VAV2: variants seen among roughly 807,000 people sequenced by gnomAD.
The protein encoded by VAV2 is vav guanine nucleotide exchange factor 2, also known as guanine nucleotide exchange factor VAV2.
VAV2 carries 67 observed loss-of-function variants against 132.5 expected under a neutral mutation model. The observed-to-expected ratio is 0.51, with a 90% CI of 0.42 to 0.62. The LOEUF (loss-of-function observed/expected upper bound fraction) is 0.62. Ranked by LOEUF, VAV2 falls within the 20% of genes least tolerant of loss-of-function variation. The pLI, the probability that VAV2 is intolerant of heterozygous loss-of-function variation, is 0.00. For synonymous variants in VAV2, 492 were observed against 443.5 expected, an observed-to-expected ratio of 1.11 and a Z score of -1.37; for missense variants, 938 against 1,153.6, an observed-to-expected ratio of 0.81 and a Z score of 2.71.
chr9:133,849,308 C>T (rs1376978473), intron 3 of VAV2, among the ~76,000 whole-genome samples: 1 of 152,138 alleles, frequency 6.6e-6, no homozygotes, highest in African/African-American at 2.4e-5. Flanking sequence ...GTCCTTGAAC[C>T]CCAAACCTCC....
At chr9:133,889,360 G>T (rs1353536364) in intron 2 of VAV2, among the ~76,000 whole-genome samples, 1 of 152,192 alleles carries the variant, frequency 6.6e-6, no homozygotes, top group Non-Finnish European at 1.5e-5. Context: ...GCTAGCTGCT[G>T]GCTTTCTAGA....
chr9:133,864,017 C>G (rs1160127162), intron 2 of VAV2, among the ~76,000 whole-genome samples: 1 of 152,164 alleles, frequency 6.6e-6, no homozygotes, highest in Non-Finnish European at 1.5e-5. Flanking sequence ...AGCTGGGTGT[C>G]CCCAGGGGCC....
At chr9:133,956,193 G>A (rs1225466513) in intron 1 of VAV2, among the ~76,000 whole-genome samples, 1 of 152,086 alleles carries the variant, frequency 6.6e-6, no homozygotes, top group Non-Finnish European at 1.5e-5. Context: ...CACAGGGAGA[G>A]AGGGAGGGAA....
In VAV2 at chr9:133,991,144, C is replaced by A. The variant is rs753518903; in HGVS notation, c.204+931G>T. Reference sequence around the variant, plus strand: ...GGGGCTGCTGAGCTGGCTGGAAGACCGCACCTCCTCGGCGCTGGGTGGACC... The same window carrying A: ...GGGGCTGCTGAGCTGGCTGGAAGACAGCACCTCCTCGGCGCTGGGTGGACC... On this transcript the variant is annotated intron_variant, in intron 1 of 29. Coordinates refer to ENST00000371850, the MANE Select transcript of VAV2 (RefSeq NM_001134398.2). The surrounding 1 kb of genome is among the most constrained non-coding windows in gnomAD (Gnocchi z 4.8). Among the ~76,000 whole-genome samples the A allele has an allele frequency of 2.6e-5, 4 of 152,132 alleles. No individual in the cohort carries two copies. Among genetic ancestry groups the A allele is most frequent in the Non-Finnish European group, 5.9e-5 (4 of 68,020 alleles).
chr9:133,790,758 C>T (rs1834423447), intron 13 of VAV2, among the ~76,000 whole-genome samples: 1 of 152,024 alleles, frequency 6.6e-6, no homozygotes, highest in South Asian at 2.1e-4. Context: ...TCATCGCCGA[C>T]GTATCGCAGG....
intron 1 of VAV2, among the ~76,000 whole-genome samples, chr9:133,963,246 G>C (rs10119727): frequency 2.6e-5 from 4 of 151,850 alleles, no homozygotes; most frequent in Non-Finnish European, 5.9e-5. Flanking sequence ...TTAATGATCA[G>C]TCAATCAGGG....
chr9:133,892,153 G>A (rs1322639053), intron 2 of VAV2, among the ~76,000 whole-genome samples: 1 of 126,298 alleles, frequency 7.9e-6, no homozygotes, highest in African/African-American at 3.0e-5. Flanking sequence ...GGGGGATGAT[G>A]GAACAGAGGC....
intron 3 of VAV2, among the ~76,000 whole-genome samples, chr9:133,858,382 C>T (rs1837465066): frequency 6.6e-6 from 1 of 152,208 alleles, no homozygotes; most frequent in African/African-American, 2.4e-5. Flanking sequence ...GCCACACATG[C>T]CGACTGTCAC....
chr9:133,930,682 C>T (rs1284310949), intron 2 of VAV2, among the ~76,000 whole-genome samples: 1 of 152,252 alleles, frequency 6.6e-6, no homozygotes, highest in East Asian at 1.9e-4. Flanking sequence ...GTGCCTGTTT[C>T]CTTCCTCACT....
chr9:133,949,632 T>G (rs1296701317), intron 1 of VAV2, among the ~76,000 whole-genome samples: 1 of 152,172 alleles, frequency 6.6e-6, no homozygotes, highest in Non-Finnish European at 1.5e-5. Flanking sequence ...GGAAACAGGC[T>G]TCCCAGAGAA....
Position 133,803,822 on chromosome 9 carries a change from G to C in VAV2, c.836+2259C>G, listed in dbSNP as rs1835031423. On this transcript the variant is annotated intron_variant, in intron 9 of 29. Coordinates refer to ENST00000371850, the MANE Select transcript of VAV2 (RefSeq NM_001134398.2). Reference sequence around the variant, plus strand: ...AATTCTAAATCCTTCCTTTGGCCTGGAAGCCCCTGCAGGACCCTCCAGCCC... The same window carrying C: ...AATTCTAAATCCTTCCTTTGGCCTGCAAGCCCCTGCAGGACCCTCCAGCCC... Among the ~76,000 whole-genome samples the C allele has an allele frequency of 3.3e-5, 5 of 152,170 alleles. No homozygotes were observed. The South Asian group carries it at 1.0e-3, about 32-fold the overall frequency.
intron 1 of VAV2, among the ~76,000 whole-genome samples, chr9:133,986,598 C>T (rs967806414): frequency 1.3e-5 from 2 of 152,198 alleles, no homozygotes; most frequent in Admixed American, 6.5e-5. Flanking sequence ...CGCACTGATG[C>T]CCCATACTTA....
intron 2 of VAV2, among the ~76,000 whole-genome samples, chr9:133,901,052 A>G (rs10993847): frequency 6.6e-6 from 1 of 152,062 alleles, no homozygotes; most frequent in Admixed American, 6.6e-5. Context: ...TGCCCGCCTC[A>G]GCCTCCCAAA....
At chr9:133,972,940 G>A (rs1842388080) in intron 1 of VAV2, among the ~76,000 whole-genome samples, 1 of 152,194 alleles carries the variant, frequency 6.6e-6, no homozygotes, top group Non-Finnish European at 1.5e-5. Flanking sequence ...AGTCCATGGA[G>A]AAGCTCCCCA....
At chr9:133,941,176 G>A (rs1028073965) in intron 1 of VAV2, among the ~76,000 whole-genome samples, 4 of 152,204 alleles carry the variant, frequency 2.6e-5, no homozygotes, top group African/African-American at 7.2e-5. Context: ...AGGAGGCCGA[G>A]GCGGGTAGAT....
chr9:133,985,814 T>C (rs1842841790), intron 1 of VAV2, among the ~76,000 whole-genome samples: 1 of 152,154 alleles, frequency 6.6e-6, no homozygotes, highest in Admixed American at 6.5e-5. Flanking sequence ...TGTAACACAG[T>C]TCCCACTGGT....
Position 133,875,680 on chromosome 9 carries a change from C to T in VAV2, c.322-14248G>A, listed in dbSNP as rs1004180375. Among the ~76,000 whole-genome samples, 4 of 152,200 alleles carry T rather than the reference C, an allele frequency of 2.6e-5. No individual in the cohort carries two copies. The East Asian group carries it at 5.8e-4, about 22-fold the overall frequency. On this transcript the variant is annotated intron_variant, in intron 2 of 29. Coordinates refer to ENST00000371850, the MANE Select transcript of VAV2 (RefSeq NM_001134398.2). ...TGCGCCAGGACCTGCTGAGAAACAC[C>T]GCAGGAACACACGCGAGGCCCCCGC...
intron 2 of VAV2, among the ~76,000 whole-genome samples, chr9:133,893,922 A>G (rs1588328374): frequency 6.6e-6 from 1 of 152,164 alleles, no homozygotes; most frequent in East Asian, 1.9e-4. Context: ...GGATCCTCAC[A>G]GACCTCTGGA....
At chr9:133,962,358 C>G (rs369707678) in intron 1 of VAV2, among the ~76,000 whole-genome samples, 2 of 152,192 alleles carry the variant, frequency 1.3e-5, no homozygotes, top group African/African-American at 4.8e-5. Flanking sequence ...CCACAAGCAG[C>G]TCTCAAAGTG....
Sources: gnomAD v4.1 joint callset for allele counts (sites outside exome capture counted in the v4.1 genomes callset) on GRCh38, gnomAD v4.1.1 for gene constraint, Gnocchi (gnomAD v3.1) non-coding constraint, MANE v1.5 for transcripts, NCBI Gene and HGNC (gene_info 2026-07-23, HGNC 2026-07-21) for gene names.